DAB1: variants seen among roughly 807,000 people sequenced by gnomAD.
DAB1 encodes the protein disabled homolog 1.
In DAB1, 15 loss-of-function variants were observed where a neutral mutation model predicts 64.6. The ratio of observed to expected loss-of-function variants is 0.23; its 90% CI spans 0.16 to 0.36. The LOEUF is 0.36. Among genes scored for constraint, DAB1 ranks in the 10% least tolerant of loss-of-function variants. The pLI is 1.00. For missense variants in DAB1, 596 were observed against 706.7 expected (o/e 0.84, Z 1.78); for synonymous variants, 235 against 251.9 (o/e 0.93, Z 0.64).
At chr1:58,144,936 C>A (rs1356490966) in intron 5 of DAB1, among the ~76,000 whole-genome samples, 1 of 152,122 alleles carries the variant, frequency 6.6e-6, no homozygotes, top group African/African-American at 2.4e-5. Context: ...CTATAGCTAA[C>A]AAACACAGTA....
At chr1:57,765,910 C>G (rs1346415794) in intron 6 of DAB1, among the ~76,000 whole-genome samples, 1 of 152,098 alleles carries the variant, frequency 6.6e-6, no homozygotes, top group Non-Finnish European at 1.5e-5. Flanking sequence ...GGATTACAGG[C>G]GTGAGCCACT....
intron 6 of DAB1, among the ~76,000 whole-genome samples, chr1:57,671,390 G>A (rs948825137): frequency 2.6e-5 from 4 of 152,056 alleles, no homozygotes; most frequent in African/African-American, 9.7e-5. Context: ...GATTTGATCT[G>A]CAGGCCATTT....
intron 6 of DAB1, among the ~76,000 whole-genome samples, chr1:57,719,918 G>A (rs1341362466): frequency 1.3e-5 from 2 of 152,152 alleles, no homozygotes; most frequent in African/African-American, 2.4e-5. Flanking sequence ...AGTATGCTAG[G>A]TGTTATATCA....
intron 4 of DAB1, among the ~76,000 whole-genome samples, chr1:58,315,703 A>G (rs1662542354): frequency 6.6e-6 from 1 of 152,172 alleles, no homozygotes; most frequent in African/African-American, 2.4e-5. Context: ...ATTTGTCACA[A>G]TGATAGGGCT....
At chr1:58,534,013 A>G in intron 1 of DAB1, 1 of 871,802 alleles carries the variant, frequency 1.1e-6, no homozygotes, top group Non-Finnish European at 2.0e-6. Flanking sequence ...GTTGATGAAT[A>G]TCGGTTACAC....
In DAB1 at chr1:57,062,947, T is replaced by A. The variant is rs748201073; in HGVS notation, c.664-4A>T. Reference sequence around the variant, plus strand: ...CCTTCTTTTGGCTGGTGGGAACCTATGGAAAAATTAAATTCAGCACAGTCA... The same window carrying A: ...CCTTCTTTTGGCTGGTGGGAACCTAAGGAAAAATTAAATTCAGCACAGTCA... On this transcript the variant is annotated splice_region_variant and splice_polypyrimidine_tract_variant and intron_variant, in intron 8 of 14. Coordinates refer to ENST00000371236, the MANE Select transcript of DAB1 (RefSeq NM_001365792.1). 4.3e-6 allele frequency: 7 copies of A among 1,613,758 alleles called. No individual in the cohort carries two copies. In the South Asian group the frequency reaches 7.7e-5, roughly 18 times the overall value.
At chr1:57,145,741 G>C (rs1459398278) in intron 2 of DAB1, among the ~76,000 whole-genome samples, 1 of 152,102 alleles carries the variant, frequency 6.6e-6, no homozygotes. Flanking sequence ...TCTAATTCAG[G>C]GTTTGATAAG....
intron 4 of DAB1, among the ~76,000 whole-genome samples, chr1:57,079,624 GC>G (rs991611830): frequency 5.3e-5 from 8 of 152,124 alleles, no homozygotes; most frequent in Admixed American, 4.6e-4. Flanking sequence ...GGCCTGCAGA[GC>G]CCCCTGTAGG....
intron 5 of DAB1, among the ~76,000 whole-genome samples, chr1:57,907,301 T>C (rs1290947924): frequency 1.3e-4 from 20 of 152,208 alleles, no homozygotes. Flanking sequence ...CCATGATTCA[T>C]TCACATCTTT....
chr1:58,371,248 T>C (rs1644261792), intron 3 of DAB1, among the ~76,000 whole-genome samples: 1 of 152,348 alleles, frequency 6.6e-6, no homozygotes, highest in Admixed American at 6.5e-5. Flanking sequence ...ACTCTTGCTA[T>C]GCTTTAGAAA....
At chr1:57,421,902 C>A (rs895886264) in intron 1 of DAB1, among the ~76,000 whole-genome samples, 6 of 11,718 alleles carry the variant, frequency 5.1e-4, no homozygotes, top group Non-Finnish European at 6.8e-4. Context: ...TGGGGGGTGG[C>A]GGGGGGGGGG....
At chr1:57,660,757 C>A (rs142330715) in intron 6 of DAB1, among the ~76,000 whole-genome samples, 160 of 152,300 alleles carry the variant, frequency 1.1e-3, no homozygotes, top group African/African-American at 3.5e-3. Flanking sequence ...TGACTGACAG[C>A]AAAGGGGGAG....
chr1:57,086,807 CCTAA>C (rs1256647454), intron 4 of DAB1, among the ~76,000 whole-genome samples: 1 of 152,080 alleles, frequency 6.6e-6, no homozygotes, highest in African/African-American at 2.4e-5. Context: ...GATGTGTTTT[CCTAA>C]CTAATAGCAT....
In DAB1 at chr1:57,528,636, GGACACACA is replaced by G. The variant is rs1316754736; in HGVS notation, n.625+120948_625+120955del. ...GTAATGGAAAATATTAAAAGCAGCA[GGACACACA>G]CACACACACACACACACACACACAC... On this transcript the variant is annotated intron_variant and non_coding_transcript_variant, in intron 7 of 20. Coordinates refer to the DAB1 transcript ENST00000485760. 1.0e-3 allele frequency among the ~76,000 whole-genome samples: 57 copies of G among 54,802 alleles called. No individual in the cohort carries two copies. In the East Asian group the frequency reaches 0.016, roughly 16 times the overall value. 36.0% of individuals were successfully genotyped at this position (54,802 alleles called of 152,430 possible).
At chr1:57,228,979 G>C (rs192609995) in intron 2 of DAB1, among the ~76,000 whole-genome samples, 1 of 152,114 alleles carries the variant, frequency 6.6e-6, no homozygotes, top group African/African-American at 2.4e-5. Context: ...AAAGTAGAAA[G>C]ATATGTCTAT....
chr1:57,904,394 C>T (rs764584532), intron 5 of DAB1, among the ~76,000 whole-genome samples: 8 of 152,254 alleles, frequency 5.3e-5, no homozygotes, highest in Non-Finnish European at 1.0e-4. Flanking sequence ...TCTACTACGT[C>T]CACTATTGTT....
At chr1:58,132,234 G>C (rs576091988) in intron 5 of DAB1, among the ~76,000 whole-genome samples, 4 of 152,132 alleles carry the variant, frequency 2.6e-5, no homozygotes, top group Admixed American at 6.5e-5. Context: ...GGTGCGGTCC[G>C]TCAGCGATTT....
intron 3 of DAB1, among the ~76,000 whole-genome samples, chr1:58,395,580 G>A (rs1239695725): frequency 1.3e-5 from 2 of 152,290 alleles, no homozygotes; most frequent in Non-Finnish European, 2.9e-5. Flanking sequence ...AACCTCAGAG[G>A]GCCACATGCA....
intron 6 of DAB1, among the ~76,000 whole-genome samples, chr1:57,811,693 G>A (rs1651630075): frequency 6.6e-6 from 1 of 152,176 alleles, no homozygotes; most frequent in Non-Finnish European, 1.5e-5. Flanking sequence ...CAAAGTCCTT[G>A]CTATCATGGG....
Sources: gnomAD v4.1 joint callset for allele counts (sites outside exome capture counted in the v4.1 genomes callset) on GRCh38, gnomAD v4.1.1 for gene constraint, MANE v1.5 for transcripts, NCBI Gene and HGNC (gene_info 2026-07-23, HGNC 2026-07-21) for gene names.